FA2H: variants seen among roughly 807,000 people sequenced by gnomAD.
The protein encoded by FA2H is fatty acid alpha-hydroxylase.
FA2H carries 22 observed loss-of-function variants against 44.9 expected under a neutral mutation model. The observed-to-expected ratio is 0.49, with a 90% CI of 0.35 to 0.70. The LOEUF is 0.70. Among genes scored for constraint, FA2H ranks in the 30% least tolerant of loss-of-function variants. The pLI is 0.01. For synonymous variants in FA2H, 243 were observed against 213.2 expected (o/e 1.14, Z -1.22); for missense variants, 501 against 504.9 (o/e 0.99, Z 0.07).
chr16:74,765,324 T>C (rs1287938328), intron 1 of FA2H, among the ~76,000 whole-genome samples: 1 of 151,922 alleles, frequency 6.6e-6, no homozygotes, highest in Non-Finnish European at 1.5e-5. Flanking sequence ...ACCTGGCTAA[T>C]TTTTGTATTT....
At chr16:74,773,467 T>C (rs1962946396) in intron 1 of FA2H, among the ~76,000 whole-genome samples, 5 of 152,142 alleles carry the variant, frequency 3.3e-5, no homozygotes, top group Admixed American at 3.3e-4. Flanking sequence ...AACTACTGTA[T>C]ATCTAAGCAT....
At position 74,726,230 on chromosome 16, in the gene FA2H, G is replaced by A. The variant is rs749620420; in HGVS notation, c.608C>T (p.Thr203Ile). The A allele has an allele frequency of 1.2e-6, 2 of 1,610,510 alleles. No homozygotes were observed. The highest frequency in any genetic ancestry group is 1.7e-6 in the Non-Finnish European group (2 of 1,176,828). ...AGGAAAGAAACTGGCATTACCTGTT[G>A]TAAATGACGTGAAGAGTCGGACGTT... ...QGNVRLFTSF[T>I]TEYTVAVPKS... The change falls in exon 4 of 7, where the codon ACA (threonine) becomes ATA (isoleucine). Residue 203 changes from threonine to isoleucine, a missense_variant. Transcript: ENST00000219368.
chr16:74,771,840 C>A (rs1180261896), intron 1 of FA2H, among the ~76,000 whole-genome samples: 3 of 152,092 alleles, frequency 2.0e-5, no homozygotes, highest in African/African-American at 7.2e-5. Flanking sequence ...CCTGCCTGAT[C>A]TCCTCACACC....
At chr16:74,748,502 G>T (rs577691101) in intron 1 of FA2H, among the ~76,000 whole-genome samples, 4 of 151,400 alleles carry the variant, frequency 2.6e-5, no homozygotes, top group African/African-American at 9.8e-5. Context: ...TGGACGGGCG[G>T]GGGGAGCACA....
chr16:74,764,156 G>C (rs965627373), intron 1 of FA2H, among the ~76,000 whole-genome samples: 1 of 152,172 alleles, frequency 6.6e-6, no homozygotes, highest in Non-Finnish European at 1.5e-5. Context: ...GGTGGGGAAA[G>C]TGGTCATTAG....
intron 2 of FA2H, among the ~76,000 whole-genome samples, chr16:74,731,187 C>G (rs1962064517): frequency 6.8e-6 from 1 of 147,810 alleles, no homozygotes; most frequent in Non-Finnish European, 1.5e-5. Flanking sequence ...AGGAGTTTCA[C>G]TCTTTTTGCC....
At chr16:74,734,969 T>G (rs563912332) in intron 2 of FA2H, among the ~76,000 whole-genome samples, 1 of 152,360 alleles carries the variant, frequency 6.6e-6, no homozygotes, top group Non-Finnish European at 1.5e-5. Context: ...CAGCCGGGGC[T>G]GCGGGAGAGG....
intron 2 of FA2H, among the ~76,000 whole-genome samples, chr16:74,734,784 G>A (rs910010013): frequency 1.6e-4 from 24 of 152,228 alleles, no homozygotes; most frequent in African/African-American, 5.5e-4. Context: ...TCCCTAAGGT[G>A]GCAAATGTGG....
Position 74,713,966 on chromosome 16 carries a change from T to C in FA2H, c.*224A>G. Reference sequence around the variant, plus strand: ...CAGGGACGCTCCAGGAAGAAGTGGGTCACCAAGGGCCACCTGGCCACCAAG... The same window carrying C: ...CAGGGACGCTCCAGGAAGAAGTGGGCCACCAAGGGCCACCTGGCCACCAAG... On this transcript the variant is annotated 3_prime_UTR_variant, in exon 7 of 7. Coordinates refer to ENST00000219368, the MANE Select transcript of FA2H (RefSeq NM_024306.5). 2 of 566,500 alleles carry C rather than the reference T, an allele frequency of 3.5e-6. No homozygotes were observed. The highest frequency in any genetic ancestry group is 2.9e-5 in the East Asian group (1 of 34,384). 35.1% of individuals were successfully genotyped at this position (566,500 alleles called of 1,614,324 possible).
chr16:74,732,337 T>A (rs1962088294), intron 2 of FA2H, among the ~76,000 whole-genome samples: 1 of 152,264 alleles, frequency 6.6e-6, no homozygotes, highest in Non-Finnish European at 1.5e-5. Context: ...GGGGCCCCTC[T>A]CTCAGCCTAG....
intron 1 of FA2H, among the ~76,000 whole-genome samples, chr16:74,762,963 C>T (rs1354327540): frequency 6.6e-6 from 1 of 152,176 alleles, no homozygotes; most frequent in Non-Finnish European, 1.5e-5. Context: ...TTCCAGAAGA[C>T]CTTGCCTGGC....
chr16:74,765,622 A>C (rs1962795614), intron 1 of FA2H, among the ~76,000 whole-genome samples: 1 of 152,066 alleles, frequency 6.6e-6, no homozygotes, highest in Non-Finnish European at 1.5e-5. Context: ...ACTGGAGTAC[A>C]AATGGTGCAG....
chr16:74,741,816 G>A (rs368977118), intron 1 of FA2H, among the ~76,000 whole-genome samples: 284 of 80,870 alleles, frequency 3.5e-3, no homozygotes, highest in African/African-American at 5.3e-3. Context: ...ATATGTGTGT[G>A]TGTGTGTGTG....
intron 1 of FA2H, among the ~76,000 whole-genome samples, chr16:74,759,948 T>C (rs796198674): frequency 2.6e-5 from 4 of 152,228 alleles, no homozygotes; most frequent in African/African-American, 7.2e-5. Context: ...TCTACAAAGT[T>C]ACCTTGTCCT....
chr16:74,734,008 A>G lies in FA2H; in HGVS notation c.363+6015T>C, dbSNP rs1302154178. Among the ~76,000 whole-genome samples, 3 of 151,618 alleles carry G rather than the reference A, an allele frequency of 2.0e-5. No homozygotes were observed. In the East Asian group the frequency reaches 5.8e-4, roughly 29 times the overall value. On this transcript the variant is annotated intron_variant, in intron 2 of 6. Coordinates refer to ENST00000219368, the MANE Select transcript of FA2H (RefSeq NM_024306.5). ...ACCTGGGCACCACGCCCTTCCACCC[A>G]CCCTCTTCTACCTGACCGAAGACCC...
intron 4 of FA2H, among the ~76,000 whole-genome samples, chr16:74,725,757 G>C (rs780104724): frequency 6.6e-6 from 1 of 152,192 alleles, no homozygotes; most frequent in Non-Finnish European, 1.5e-5. Flanking sequence ...TGCTGCCTGA[G>C]CCTTTGCCTT....
chr16:74,724,437 C>T lies in FA2H; in HGVS notation c.613+1788G>A, dbSNP rs76373999. ...CAGCTTTTGAAAGCATTTTCATGTG[C>T]GCATCTAGGAATGTCAGCCTTGAAC... On this transcript the variant is annotated intron_variant, in intron 4 of 6. Coordinates refer to ENST00000219368, the MANE Select transcript of FA2H (RefSeq NM_024306.5). Among the ~76,000 whole-genome samples, 291 of 152,264 alleles carry T rather than the reference C, an allele frequency of 1.9e-3. 1 individual carries two copies. Among genetic ancestry groups the T allele is most frequent in the African/African-American group, 6.6e-3 (274 of 41,546 alleles).
At chr16:74,725,333 A>G (rs950945624) in intron 4 of FA2H, among the ~76,000 whole-genome samples, 1 of 152,246 alleles carries the variant, frequency 6.6e-6, no homozygotes, top group Non-Finnish European at 1.5e-5. Flanking sequence ...CAGGAAGCTC[A>G]GAGCCAGGAC....
chr16:74,754,077 T>C (rs772278987), intron 1 of FA2H, among the ~76,000 whole-genome samples: 2 of 152,152 alleles, frequency 1.3e-5, no homozygotes, highest in Non-Finnish European at 2.9e-5. Flanking sequence ...TCTAGGTTGT[T>C]TGAGTGGCAG....
Sources: allele counts gnomAD v4.1 joint callset (sites outside exome capture counted in the v4.1 genomes callset), GRCh38; gene constraint gnomAD v4.1.1; transcripts MANE v1.5; gene names NCBI Gene and HGNC (gene_info 2026-07-23, HGNC 2026-07-21).